Variants in SLC41A3 observed in about 807,000 individuals in gnomAD.
SLC41A3 encodes SLC41A1-like 2.
A neutral mutation model predicts 45.4 loss-of-function variants in SLC41A3; 44 were observed. The ratio of observed to expected loss-of-function variants is 0.97; its 90% confidence interval spans 0.76 to 1.25. SLC41A3 has a LOEUF of 1.25. Ranked by LOEUF, SLC41A3 falls within the 50% of genes most tolerant of loss-of-function variation. The pLI is 0.00. For synonymous variants in SLC41A3, 256 were observed against 252.4 expected, an observed-to-expected ratio of 1.01 and a Z score of -0.13; for missense variants, 550 against 600.6, an observed-to-expected ratio of 0.92 and a Z score of 0.88.
intron 3 of SLC41A3, among the ~76,000 whole-genome samples, chr3:126,050,502 T>C (rs1359019751): frequency 6.6e-6 from 1 of 152,182 alleles, no homozygotes; most frequent in Admixed American, 6.5e-5. Context: ...GGAGCCATTC[T>C]GGGGAGCAGA....
chr3:126,073,459 C>G (rs1206188907), intron 1 of SLC41A3, among the ~76,000 whole-genome samples: 1 of 151,916 alleles, frequency 6.6e-6, no homozygotes, highest in South Asian at 2.1e-4. Flanking sequence ...AACAAACAAA[C>G]AAAATCCAAA....
upstream of SLC41A3, among the ~76,000 whole-genome samples, chr3:126,084,654 A>C (rs912996723): frequency 6.6e-6 from 1 of 152,236 alleles, no homozygotes; most frequent in African/African-American, 2.4e-5. Flanking sequence ...CTATTTTTTT[A>C]AACATTCTCA....
intron 10 of SLC41A3, among the ~76,000 whole-genome samples, 181 bp downstream of exon 10, chr3:126,008,551 G>C (rs1580374476): frequency 6.6e-6 from 1 of 152,074 alleles, no homozygotes. Context: ...GTAGCATGTG[G>C]TGTGCAGTGT....
intron 1 of SLC41A3, among the ~76,000 whole-genome samples, chr3:126,094,470 A>G (rs1471847306): frequency 6.6e-6 from 1 of 152,220 alleles, no homozygotes; most frequent in Non-Finnish European, 1.5e-5. Flanking sequence ...CAGTTTTCGT[A>G]ATTAAGAAAA....
chr3:126,032,352 T>C (rs1462833050), intron 4 of SLC41A3, among the ~76,000 whole-genome samples: 3 of 152,134 alleles, frequency 2.0e-5, no homozygotes, highest in African/African-American at 7.2e-5. Flanking sequence ...GAAGCGGAAT[T>C]CATGCACAAC....
intron 3 of SLC41A3, among the ~76,000 whole-genome samples, chr3:126,039,387 C>A (rs1247095524): frequency 6.6e-6 from 1 of 152,168 alleles, no homozygotes; most frequent in African/African-American, 2.4e-5. Context: ...TACAAATCAG[C>A]TATTTTATGG....
At chr3:126,078,254 A>T (rs1007519854) in intron 1 of SLC41A3, among the ~76,000 whole-genome samples, 7 of 152,152 alleles carry the variant, frequency 4.6e-5, no homozygotes, top group African/African-American at 1.7e-4. Context: ...TCAACCTTCC[A>T]GCCTGACCCC....
chr3:126,049,996 G>A (rs925880120), intron 3 of SLC41A3, among the ~76,000 whole-genome samples: 1 of 152,072 alleles, frequency 6.6e-6, no homozygotes, highest in East Asian at 1.9e-4. Flanking sequence ...TGTCTGAAAC[G>A]TCCCTCTGTT....
chr3:126,063,134 C>A (rs963199537), intron 2 of SLC41A3, among the ~76,000 whole-genome samples: 18 of 152,182 alleles, frequency 1.2e-4, no homozygotes, highest in African/African-American at 4.1e-4. Flanking sequence ...ATTCCCACTG[C>A]CCATTATGCC....
At chr3:126,050,335 T>C (rs1292056303) in intron 3 of SLC41A3, among the ~76,000 whole-genome samples, 1 of 152,090 alleles carries the variant, frequency 6.6e-6, no homozygotes, top group Non-Finnish European at 1.5e-5. Context: ...GGATATCACA[T>C]GGGCATCAGA....
rs1251933759 is a variant in SLC41A3 at position 126,026,707 on chromosome 3, C to G, written c.454-228G>C. ...CACGCTGGCCACCTCTGCTCCCTTG[C>G]TAGGCACTGCCTTCAAGAGCAGAAT... On this transcript the variant is annotated intron_variant, in intron 4 of 10. Transcript: ENST00000360370. This position sits in a 1 kb window ranked among gnomAD's most constrained non-coding sequence, Gnocchi z 4.2. 2.0e-5 allele frequency among the ~76,000 whole-genome samples: 3 copies of G among 152,222 alleles called. No individual in the cohort carries two copies. The highest frequency in any genetic ancestry group is 7.2e-5 in the African/African-American group (3 of 41,452).
chr3:126,030,480 G>A (rs563436570), intron 4 of SLC41A3, among the ~76,000 whole-genome samples: 1 of 152,200 alleles, frequency 6.6e-6, no homozygotes, highest in Non-Finnish European at 1.5e-5. Context: ...TCCATTTGAA[G>A]GTATCTTATT....
At chr3:126,008,265 C>T (rs982512289) in intron 10 of SLC41A3, among the ~76,000 whole-genome samples, 2 of 152,216 alleles carry the variant, frequency 1.3e-5, no homozygotes, top group African/African-American at 4.8e-5. Flanking sequence ...CAGTACGTAG[C>T]GTAAGCTGTA....
intron 10 of SLC41A3, among the ~76,000 whole-genome samples, chr3:126,008,456 T>TGTGTGGGGTACA (rs1404332653): frequency 6.6e-6 from 1 of 150,964 alleles, no homozygotes; most frequent in Non-Finnish European, 1.5e-5. Flanking sequence ...TGGTGTGGAG[T>TGTGTGGGGTACA]GTGTGGGGTA....
intron 3 of SLC41A3, among the ~76,000 whole-genome samples, chr3:126,034,541 C>T (rs1243813923): frequency 6.6e-6 from 1 of 152,218 alleles, no homozygotes; most frequent in East Asian, 1.9e-4. Flanking sequence ...GATGCGGCAC[C>T]TGACTGTGGT....
chr3:126,051,373 T>C (rs528756587), intron 2 of SLC41A3, among the ~76,000 whole-genome samples: 1 of 152,270 alleles, frequency 6.6e-6, no homozygotes, highest in African/African-American at 2.4e-5. Context: ...ATGAGAAAGA[T>C]GGGAATTTCT....
At chr3:126,063,985 C>T (rs545574589) in intron 2 of SLC41A3, among the ~76,000 whole-genome samples, 2 of 149,248 alleles carry the variant, frequency 1.3e-5, no homozygotes, top group East Asian at 4.1e-4. Context: ...CATACCCAGG[C>T]CACCAAATCC....
intron 1 of SLC41A3, among the ~76,000 whole-genome samples, chr3:126,098,993 T>C (rs1945659402): frequency 6.8e-6 from 1 of 146,022 alleles, no homozygotes; most frequent in Non-Finnish European, 1.5e-5. Context: ...CCCCAACTCC[T>C]GAGCTCAAAG....
At chr3:126,027,288 G>A (rs576695779) in intron 4 of SLC41A3, among the ~76,000 whole-genome samples, 9 of 135,432 alleles carry the variant, frequency 6.6e-5, no homozygotes, top group South Asian at 2.4e-4. Context: ...TGAAGTCATC[G>A]GTGATCATGA....
Sources: gnomAD v4.1 joint callset for allele counts (sites outside exome capture counted in the v4.1 genomes callset) on GRCh38, gnomAD v4.1.1 for gene constraint, Gnocchi (gnomAD v3.1) non-coding constraint, MANE v1.5 for transcripts, NCBI Gene and HGNC (gene_info 2026-07-23, HGNC 2026-07-21) for gene names.